The following DNAJC1 variants were observed in gnomAD, a reference collection of about 807,000 sequenced individuals.
The protein encoded by DNAJC1 is dnaJ homolog subfamily C member 1.
Under a neutral mutation model 76.6 loss-of-function variants are expected in DNAJC1, and 58 were observed. The ratio of observed to expected loss-of-function variants is 0.76; its 90% CI spans 0.61 to 0.94. The LOEUF is 0.94. Ranked by LOEUF, DNAJC1 falls within the 40% of genes least tolerant of loss-of-function variation. DNAJC1 has a pLI of 0.00. For missense variants in DNAJC1, 689 were observed against 677.3 expected, an observed-to-expected ratio of 1.02 and a Z score of -0.19; for synonymous variants, 258 against 267.9, an observed-to-expected ratio of 0.96 and a Z score of 0.36.
chr10:21,763,976 T>C (rs1834268845), intron 10 of DNAJC1, among the ~76,000 whole-genome samples: 1 of 152,190 alleles, frequency 6.6e-6, no homozygotes, highest in South Asian at 2.1e-4. Context: ...ATATCAAAGA[T>C]GAGAAAGTTT....
At chr10:21,986,796 T>C (rs977507551) in intron 1 of DNAJC1, among the ~76,000 whole-genome samples, 2 of 152,144 alleles carry the variant, frequency 1.3e-5, no homozygotes, top group African/African-American at 4.8e-5. Context: ...AGACAGAATC[T>C]TGCTCTTGTC....
chr10:21,911,312 T>C (rs981778966), intron 6 of DNAJC1, among the ~76,000 whole-genome samples: 4 of 152,188 alleles, frequency 2.6e-5, no homozygotes, highest in South Asian at 2.1e-4. Flanking sequence ...GAAAATACCA[T>C]AAGTACATTT....
intron 9 of DNAJC1, 40 bp downstream of exon 9, chr10:21,805,940 G>A: frequency 6.2e-7 from 1 of 1,608,600 alleles, no homozygotes; most frequent in South Asian, 1.1e-5. Context: ...GACTTGTTCT[G>A]GTTTCTCTCT....
rs74541122 is a variant in DNAJC1, at chr10:21,830,573, T to C, written c.979-24474A>G. On this transcript the variant is annotated intron_variant, in intron 8 of 11. Coordinates refer to ENST00000376980, the MANE Select transcript of DNAJC1 (RefSeq NM_022365.4). Reference sequence around the variant, plus strand: ...GATTTGTTTAGAGGTAGACTGTTTTTATTCATCCTGTTCAGTATACTATGT... The same window carrying C: ...GATTTGTTTAGAGGTAGACTGTTTTCATTCATCCTGTTCAGTATACTATGT... Among the ~76,000 whole-genome samples, 1,413 of 152,304 alleles carry C rather than the reference T, an allele frequency of 9.3e-3. 34 individuals are homozygous for C. The highest frequency in any genetic ancestry group is 0.032 in the African/African-American group (1,351 of 41,572).
chr10:21,898,480 T>C (rs745619271), intron 7 of DNAJC1, among the ~76,000 whole-genome samples: 4 of 152,134 alleles, frequency 2.6e-5, no homozygotes, highest in Admixed American at 6.5e-5. Context: ...GCACATTCAA[T>C]TGTGCACAGT....
At chr10:21,822,470 A>G (rs1394643844) in intron 8 of DNAJC1, among the ~76,000 whole-genome samples, 2 of 148,936 alleles carry the variant, frequency 1.3e-5, no homozygotes, top group Non-Finnish European at 3.0e-5. Context: ...AATGAATAAT[A>G]AAATAAATAA....
intron 9 of DNAJC1, among the ~76,000 whole-genome samples, chr10:21,781,470 C>G (rs1834526518): frequency 6.6e-6 from 1 of 152,072 alleles, no homozygotes; most frequent in Non-Finnish European, 1.5e-5. Context: ...GCCTGTAATC[C>G]CAGCACTTTG....
intron 7 of DNAJC1, among the ~76,000 whole-genome samples, chr10:21,894,449 T>A (rs1163658109): frequency 6.6e-6 from 1 of 152,150 alleles, no homozygotes; most frequent in Non-Finnish European, 1.5e-5. Flanking sequence ...CAGGCACCTG[T>A]AATCCCACCT....
intron 8 of DNAJC1, among the ~76,000 whole-genome samples, chr10:21,816,552 T>TA (rs1835080585): frequency 1.3e-5 from 2 of 149,674 alleles, no homozygotes; most frequent in African/African-American, 4.9e-5. Flanking sequence ...TCTCTTTTTT[T>TA]TTTTTTTTTT....
intron 10 of DNAJC1, among the ~76,000 whole-genome samples, chr10:21,762,498 T>C (rs562723894): frequency 6.6e-6 from 1 of 152,372 alleles, no homozygotes; most frequent in East Asian, 1.9e-4. Context: ...TGTAGCGTCC[T>C]GCTGGCCAAG....
At chr10:21,786,633 C>T (rs1009955391) in intron 9 of DNAJC1, among the ~76,000 whole-genome samples, 7 of 151,900 alleles carry the variant, frequency 4.6e-5, no homozygotes, top group Non-Finnish European at 1.0e-4. Flanking sequence ...TGCGCCACCA[C>T]ACCGGCTAAT....
intron 8 of DNAJC1, among the ~76,000 whole-genome samples, chr10:21,813,950 G>C (rs982138135): frequency 6.6e-6 from 1 of 152,156 alleles, no homozygotes; most frequent in African/African-American, 2.4e-5. Context: ...TCTGACCCAG[G>C]AGTCTCATGT....
At chr10:21,858,332 A>G (rs1835871467) in intron 8 of DNAJC1, among the ~76,000 whole-genome samples, 1 of 152,248 alleles carries the variant, frequency 6.6e-6, no homozygotes, top group Non-Finnish European at 1.5e-5. Context: ...GAATATAACC[A>G]AGTATCTTTC....
chr10:21,873,093 C>G (rs1344329665), intron 8 of DNAJC1, among the ~76,000 whole-genome samples: 1 of 152,100 alleles, frequency 6.6e-6, no homozygotes, highest in Non-Finnish European at 1.5e-5. Flanking sequence ...GCACGCATCC[C>G]CCAGTCACGT....
At chr10:21,809,620 A>G (rs577915255) in intron 8 of DNAJC1, among the ~76,000 whole-genome samples, 3 of 151,902 alleles carry the variant, frequency 2.0e-5, no homozygotes, top group Non-Finnish European at 4.4e-5. Flanking sequence ...AGATGTATAT[A>G]TCTAATATGT....
intron 9 of DNAJC1, among the ~76,000 whole-genome samples, chr10:21,769,327 G>A: frequency 6.6e-6 from 1 of 152,170 alleles, no homozygotes; most frequent in East Asian, 1.9e-4. Flanking sequence ...CTATGCAATA[G>A]GCACTGTTCT....
intron 1 of DNAJC1, among the ~76,000 whole-genome samples, chr10:21,975,100 A>T (rs1031325885): frequency 9.9e-5 from 15 of 152,136 alleles, no homozygotes; most frequent in African/African-American, 3.4e-4. Context: ...AGGCTGGTTA[A>T]AGAGGACTTC....
At chr10:21,846,820 C>T (rs958965528) in intron 8 of DNAJC1, among the ~76,000 whole-genome samples, 2 of 151,064 alleles carry the variant, frequency 1.3e-5, no homozygotes, top group Non-Finnish European at 2.9e-5. Flanking sequence ...GGTGTTGTCT[C>T]GTTTGTATTT....
At chr10:21,800,503 A>G (rs577571096) in intron 9 of DNAJC1, among the ~76,000 whole-genome samples, 1 of 152,348 alleles carries the variant, frequency 6.6e-6, no homozygotes, top group African/African-American at 2.4e-5. Flanking sequence ...GTCCATCTCA[A>G]TGAAATAGCA....
Sources: allele counts gnomAD v4.1 joint callset (sites outside exome capture counted in the v4.1 genomes callset), GRCh38; gene constraint gnomAD v4.1.1; transcripts MANE v1.5; gene names NCBI Gene and HGNC (gene_info 2026-07-23, HGNC 2026-07-21).